Variants in BZW2 observed in about 807,000 individuals in gnomAD.
BZW2 encodes eIF5-mimic protein 1.
Under a neutral mutation model 53.2 loss-of-function variants are expected in BZW2, and 23 were observed. That is an observed-to-expected ratio of 0.43 (90% CI 0.31 to 0.61). BZW2 has a LOEUF of 0.61. Among genes scored for constraint, BZW2 ranks in the 20% least tolerant of loss-of-function variants. The probability of loss-of-function intolerance (pLI) is 0.09; values close to 1 mark genes in which losing one functional copy is unlikely to be tolerated. For missense variants in BZW2, 409 were observed against 503.1 expected (o/e 0.81, Z 1.79); for synonymous variants, 227 against 186.4 (o/e 1.22, Z -1.77).
chr7:16,700,558 A>G (rs1583756238), intron 10 of BZW2, among the ~76,000 whole-genome samples: 2 of 152,300 alleles, frequency 1.3e-5, no homozygotes, highest in East Asian at 3.9e-4. Context: ...CAGCTCCCCC[A>G]GAGATTCTGA....
chr7:16,665,639 CT>C, intron 2 of BZW2, 138 bp downstream of exon 2: 1 of 1,404,692 alleles, frequency 7.1e-7, no homozygotes, highest in Non-Finnish European at 9.6e-7. Flanking sequence ...ATCTGAAGTG[CT>C]TTAGTGAAAC....
chr7:16,691,534 G>A (rs1256930407), intron 7 of BZW2, among the ~76,000 whole-genome samples: 1 of 152,182 alleles, frequency 6.6e-6, no homozygotes, highest in Non-Finnish European at 1.5e-5. Context: ...TCATGGCAAA[G>A]TACCAGAACA....
intron 2 of BZW2, among the ~76,000 whole-genome samples, chr7:16,666,422 G>T (rs200260598): frequency 2.7e-5 from 2 of 72,740 alleles, no homozygotes; most frequent in African/African-American, 8.0e-5. Flanking sequence ...TATTTATTTA[G>T]AGACGGAGTC....
At chr7:16,694,358 G>T (rs1485352820) in intron 7 of BZW2, among the ~76,000 whole-genome samples, 2 of 152,170 alleles carry the variant, frequency 1.3e-5, no homozygotes, top group African/African-American at 4.8e-5. Context: ...ATGTCAAGGG[G>T]CTGCATCTGG....
chr7:16,705,244 AG>A (rs1783803539), intron 11 of BZW2, among the ~76,000 whole-genome samples: 1 of 152,156 alleles, frequency 6.6e-6, no homozygotes, highest in South Asian at 2.1e-4. Flanking sequence ...CTGTAGTCCC[AG>A]GTACTCGGGA....
intron 1 of BZW2, among the ~76,000 whole-genome samples, chr7:16,651,034 T>C (rs1048177856): frequency 6.6e-6 from 1 of 152,130 alleles, no homozygotes. Context: ...TATTCAAAAA[T>C]TAAAGGAAAA....
At chr7:16,669,801 A>G (rs564944044) in intron 2 of BZW2, among the ~76,000 whole-genome samples, 27 of 152,344 alleles carry the variant, frequency 1.8e-4, no homozygotes, top group Non-Finnish European at 2.5e-4. Context: ...GAGTATCACA[A>G]TTATGATTCA....
intron 5 of BZW2, among the ~76,000 whole-genome samples, chr7:16,685,118 A>C: frequency 6.6e-6 from 1 of 152,230 alleles, no homozygotes; most frequent in Non-Finnish European, 1.5e-5. Context: ...AGCACAAAGC[A>C]GAGGAGAGTC....
intron 11 of BZW2, among the ~76,000 whole-genome samples, chr7:16,705,589 G>A (rs1470524282): frequency 2.0e-5 from 3 of 150,340 alleles, no homozygotes; most frequent in Non-Finnish European, 4.4e-5. Context: ...GGAGGCTGAG[G>A]CAGGAGAATG....
At chr7:16,664,572 G>C (rs1281397814) in intron 1 of BZW2, among the ~76,000 whole-genome samples, 1 of 152,208 alleles carries the variant, frequency 6.6e-6, no homozygotes, top group Admixed American at 6.5e-5. Flanking sequence ...GAGACGAGAT[G>C]TGTATTGAAC....
At chr7:16,685,452 A>G (rs1242167360) in intron 5 of BZW2, among the ~76,000 whole-genome samples, 1 of 135,594 alleles carries the variant, frequency 7.4e-6, no homozygotes, top group Non-Finnish European at 1.6e-5. Flanking sequence ...TTTTGTTTCT[A>G]TGTTTTTGCC....
At chr7:16,696,810 T>G in intron 8 of BZW2, 105 bp from the exon 9 acceptor site, 13 of 1,111,964 alleles carry the variant, frequency 1.2e-5, no homozygotes, top group Non-Finnish European at 1.6e-5. Context: ...GCTAAGCAGA[T>G]TGTTTCTTAG....
intron 1 of BZW2, among the ~76,000 whole-genome samples, chr7:16,664,828 C>G (rs1293934363): frequency 6.6e-6 from 1 of 151,570 alleles, no homozygotes; most frequent in Non-Finnish European, 1.5e-5. Context: ...TACTGCTGGA[C>G]CAAGGTTATG....
chr7:16,669,244 A>C (rs988080167), intron 2 of BZW2, among the ~76,000 whole-genome samples: 2 of 151,980 alleles, frequency 1.3e-5, no homozygotes, highest in African/African-American at 4.8e-5. Flanking sequence ...TTGTGCCTCA[A>C]CCTCCCGAGT....
chr7:16,682,549 C>G (rs1228004490), intron 4 of BZW2, among the ~76,000 whole-genome samples: 1 of 151,972 alleles, frequency 6.6e-6, no homozygotes, highest in African/African-American at 2.4e-5. Context: ...TTTCTACCTG[C>G]TATATTCTTG....
At chr7:16,673,955 A>G (rs1782686363) in intron 2 of BZW2, among the ~76,000 whole-genome samples, 1 of 142,518 alleles carries the variant, frequency 7.0e-6, no homozygotes, top group South Asian at 2.3e-4. Flanking sequence ...GCTGGGGTGC[A>G]ATGGCACTGT....
intron 10 of BZW2, among the ~76,000 whole-genome samples, chr7:16,700,250 T>C (rs571053536): frequency 7.2e-5 from 11 of 152,340 alleles, no homozygotes; most frequent in Non-Finnish European, 1.2e-4. Context: ...GATTCCATGT[T>C]TTCTCTGGAG....
At chr7:16,659,217 G>A (rs928558598) in intron 1 of BZW2, among the ~76,000 whole-genome samples, 1 of 152,054 alleles carries the variant, frequency 6.6e-6, no homozygotes, top group African/African-American at 2.4e-5. Context: ...AGTTATTAAA[G>A]CCCAAATAAC....
chr7:16,699,916 T>G (rs954418723), intron 10 of BZW2, among the ~76,000 whole-genome samples: 1 of 152,106 alleles, frequency 6.6e-6, no homozygotes, highest in Non-Finnish European at 1.5e-5. Flanking sequence ...AATTAGAAAA[T>G]AACTCAAGAA....
Sources: gnomAD v4.1 joint callset for allele counts (sites outside exome capture counted in the v4.1 genomes callset) on GRCh38, gnomAD v4.1.1 for gene constraint, MANE v1.5 for transcripts, NCBI Gene and HGNC (gene_info 2026-07-23, HGNC 2026-07-21) for gene names.